Variants in ZC3H12B observed in about 807,000 individuals in gnomAD.
The protein encoded by ZC3H12B is probable ribonuclease ZC3H12B.
In ZC3H12B, 7 loss-of-function variants were observed where a neutral mutation model predicts 43.9. The ratio of observed to expected loss-of-function variants is 0.16; its 90% CI spans 0.09 to 0.30. The LOEUF is 0.30. Ranked by LOEUF, ZC3H12B falls within the 10% of genes least tolerant of loss-of-function variation. The pLI is 1.00. For missense variants in ZC3H12B, 475 were observed against 670.2 expected (o/e 0.71, Z 3.22); for synonymous variants, 222 against 241.7 (o/e 0.92, Z 0.76).
intron 2 of ZC3H12B, among the ~76,000 whole-genome samples, chrX:65,379,502 A>C (rs376440135): frequency 8.9e-6 from 1 of 112,176 alleles, no homozygotes; most frequent in African/African-American, 3.2e-5. Flanking sequence ...CCACAAAGAT[A>C]GGGAAAAAAC....
chrX:65,041,148 T>G, the ZC3H12B span, among the ~76,000 whole-genome samples: 1 of 112,614 alleles, frequency 8.9e-6, no homozygotes, highest in Non-Finnish European at 1.9e-5. Context: ...AGCAAACTCT[T>G]TATTCAAAAA....
the ZC3H12B span, among the ~76,000 whole-genome samples, chrX:65,291,000 C>T: frequency 2.4e-4 from 27 of 110,916 alleles, 1 homozygote; most frequent in South Asian, 0.01. Context: ...TGCTAAATAC[C>T]GTGACTTGAT....
At chrX:65,203,875 C>A in the ZC3H12B span, among the ~76,000 whole-genome samples, 2 of 111,964 alleles carry the variant, frequency 1.8e-5, no homozygotes, top group African/African-American at 6.5e-5. Context: ...GCACTGTAGC[C>A]TGTCACGGTG....
the ZC3H12B span, among the ~76,000 whole-genome samples, chrX:65,174,146 A>T: frequency 4.5e-5 from 5 of 111,058 alleles, no homozygotes; most frequent in African/African-American, 9.8e-5. Context: ...GCCTAATGCC[A>T]ACCAGAGCTC....
the ZC3H12B span, among the ~76,000 whole-genome samples, chrX:65,059,819 G>A: frequency 9.0e-6 from 1 of 111,344 alleles, no homozygotes; most frequent in Non-Finnish European, 1.9e-5. Context: ...GTTAGTATGG[G>A]CATTTTAACA....
the ZC3H12B span, among the ~76,000 whole-genome samples, chrX:65,286,641 T>C: frequency 9.0e-6 from 1 of 110,790 alleles, no homozygotes; most frequent in African/African-American, 3.3e-5. Context: ...CCTATACATA[T>C]ATTCTTCAGA....
chrX:65,046,958 T>A, the ZC3H12B span, among the ~76,000 whole-genome samples: 1 of 111,166 alleles, frequency 9.0e-6, no homozygotes, highest in African/African-American at 3.3e-5. Context: ...TACATATTTA[T>A]TGATTATGTT....
chrX:65,158,259 A>G, the ZC3H12B span, among the ~76,000 whole-genome samples: 9 of 111,068 alleles, frequency 8.1e-5, no homozygotes, highest in Non-Finnish European at 1.3e-4. Flanking sequence ...TTATAGCAGC[A>G]TGATTTACAG....
the ZC3H12B span, among the ~76,000 whole-genome samples, chrX:65,102,138 T>C: frequency 1.8e-5 from 2 of 111,656 alleles, no homozygotes; most frequent in Non-Finnish European, 3.8e-5. Context: ...AAAAACCACA[T>C]GATTAGCTCA....
the ZC3H12B span, among the ~76,000 whole-genome samples, chrX:65,206,405 G>T: frequency 9.0e-6 from 1 of 111,702 alleles, no homozygotes; most frequent in Non-Finnish European, 1.9e-5. Flanking sequence ...AAAACATAAA[G>T]TAGGGAAAGG....
the ZC3H12B span, among the ~76,000 whole-genome samples, chrX:65,089,862 C>T: frequency 9.0e-6 from 1 of 111,370 alleles, no homozygotes; most frequent in African/African-American, 3.3e-5. Flanking sequence ...GTTTCACTGT[C>T]TTCCCCCTCA....
the ZC3H12B span, among the ~76,000 whole-genome samples, chrX:65,285,922 G>T: frequency 9.0e-6 from 1 of 111,357 alleles, no homozygotes; most frequent in Non-Finnish European, 1.9e-5. Context: ...ACAGAATAAA[G>T]CCTCACATAT....
the ZC3H12B span, among the ~76,000 whole-genome samples, chrX:65,110,407 A>G: frequency 9.6e-6 from 1 of 103,734 alleles, no homozygotes; most frequent in Non-Finnish European, 2.0e-5. Context: ...TTTTTTTGCT[A>G]AAAGTTTTAT....
chrX:65,179,274 G>A, the ZC3H12B span, among the ~76,000 whole-genome samples: 3 of 109,924 alleles, frequency 2.7e-5, no homozygotes, highest in Non-Finnish European at 5.7e-5. Context: ...GGGGGTAAGG[G>A]GAGGGATAGC....
chrX:65,478,132 G>A (rs1041748332), intron 3 of ZC3H12B, among the ~76,000 whole-genome samples: 1 of 111,423 alleles, frequency 9.0e-6, no homozygotes, highest in Admixed American at 9.6e-5. Context: ...TAATCTTTAA[G>A]CATATTTTAA....
chrX:65,126,049 G>GTTT, the ZC3H12B span, among the ~76,000 whole-genome samples: 219 of 94,646 alleles, frequency 2.3e-3, 3 homozygotes, highest in African/African-American at 7.8e-3. Flanking sequence ...TTGTGTGTGT[G>GTTT]TTTTTTTTTT....
At chrX:65,334,940 G>A in the ZC3H12B span, among the ~76,000 whole-genome samples, 2 of 111,785 alleles carry the variant, frequency 1.8e-5, no homozygotes, top group African/African-American at 3.3e-5. Context: ...ATCTCTCAGT[G>A]GCAGTGTGGG....
chrX:65,170,158 G>T, the ZC3H12B span, among the ~76,000 whole-genome samples: 3 of 111,783 alleles, frequency 2.7e-5, no homozygotes, highest in Admixed American at 1.9e-4. Flanking sequence ...GCATGTTTTT[G>T]CCGTGGCTGG....
At chrX:65,448,290 G>A (rs1311051815) in intron 3 of ZC3H12B, among the ~76,000 whole-genome samples, 2 of 111,228 alleles carry the variant, frequency 1.8e-5, no homozygotes, top group African/African-American at 6.5e-5. Context: ...ATGCACTGCT[G>A]GTAGAAATGC....
Sources: allele counts gnomAD v4.1 joint callset (sites outside exome capture counted in the v4.1 genomes callset), GRCh38; gene constraint gnomAD v4.1.1; transcripts MANE v1.5; gene names NCBI Gene and HGNC (gene_info 2026-07-23, HGNC 2026-07-21).